BNC2: variants seen among roughly 807,000 people sequenced by gnomAD.
The protein encoded by BNC2 is zinc finger protein basonuclin-2.
Under a neutral mutation model 76.3 loss-of-function variants are expected in BNC2, and 20 were observed. The ratio of observed to expected loss-of-function variants is 0.26; its 90% confidence interval spans 0.18 to 0.38. The LOEUF (loss-of-function observed/expected upper bound fraction) is 0.38. Ranked by LOEUF, BNC2 falls within the 10% of genes least tolerant of loss-of-function variation. The pLI is 1.00. For synonymous variants in BNC2, 582 were observed against 514.8 expected, an observed-to-expected ratio of 1.13 and a Z score of -1.77; for missense variants, 1,382 against 1,399.8, an observed-to-expected ratio of 0.99 and a Z score of 0.20.
At chr9:16,744,376 C>A (rs931903610) in intron 1 of BNC2, among the ~76,000 whole-genome samples, 11 of 152,140 alleles carry the variant, frequency 7.2e-5, no homozygotes, top group Non-Finnish European at 2.9e-5. Flanking sequence ...CTCAAAAAGA[C>A]CTCCCAAATC....
intron 3 of BNC2, among the ~76,000 whole-genome samples, chr9:16,706,892 A>G (rs991640883): frequency 1.3e-5 from 2 of 152,242 alleles, no homozygotes; most frequent in Admixed American, 6.5e-5. Flanking sequence ...TCAAATTGTC[A>G]GTTTAATCTA....
At chr9:16,542,934 T>C (rs1020547423) in intron 5 of BNC2, among the ~76,000 whole-genome samples, 1 of 152,038 alleles carries the variant, frequency 6.6e-6, no homozygotes, top group Admixed American at 6.5e-5. Flanking sequence ...AAGAAACAGA[T>C]AGTAGACTAA....
At chr9:16,463,284 G>A (rs1159130856) in intron 5 of BNC2, among the ~76,000 whole-genome samples, 1 of 143,678 alleles carries the variant, frequency 7.0e-6, no homozygotes, top group African/African-American at 2.6e-5. Flanking sequence ...GAGCATACAA[G>A]TATTAAATTC....
chr9:16,820,374 C>T (rs1042543834), intron 1 of BNC2, among the ~76,000 whole-genome samples: 1 of 151,616 alleles, frequency 6.6e-6, no homozygotes, highest in African/African-American at 2.4e-5. Context: ...TGCAGTGAGC[C>T]GAGATCGCAC....
At chr9:16,681,909 C>A (rs1822832484) in intron 3 of BNC2, among the ~76,000 whole-genome samples, 1 of 151,942 alleles carries the variant, frequency 6.6e-6, no homozygotes, top group South Asian at 2.1e-4. Flanking sequence ...CAGATCTTAA[C>A]CTGAAAGAGG....
At chr9:16,426,967 G>A (rs545756854) in intron 6 of BNC2, among the ~76,000 whole-genome samples, 150 of 152,298 alleles carry the variant, frequency 9.8e-4, no homozygotes, top group Non-Finnish European at 1.7e-3. Context: ...AAATGAGAGA[G>A]CAAAGTGATC....
rs1382125077 is a variant in BNC2 at position 16,412,414 on chromosome 9, C to T, written c.*6575G>A. The T allele has an allele frequency of 6.6e-6, 1 of 152,428 alleles. No homozygotes were observed. Among genetic ancestry groups the T allele is most frequent in the East Asian group, 1.9e-4 (1 of 5,190 alleles). 9.4% of individuals were successfully genotyped at this position (152,428 alleles called of 1,614,324 possible). A position where few individuals can be genotyped will look rare whatever the true frequency, so the allele number is the denominator to read the frequency against. On this transcript the variant is annotated 3_prime_UTR_variant, in exon 7 of 7. Transcript: ENST00000380672. ...GAAAAATATTTTAATCTTTTCCCTA[C>T]AGATTAGGGGGCAATATAATCTTAC...
rs1263701379 is a variant in BNC2 at position 16,751,678 on chromosome 9, A to ATATG, written c.4-13194_4-13193insCATA. Among the ~76,000 whole-genome samples, 23 of 59,028 alleles carry ATATG rather than the reference A, an allele frequency of 3.9e-4. 1 individual carries two copies. Among genetic ancestry groups the ATATG allele is most frequent in the South Asian group, 4.7e-4 (1 of 2,122 alleles). 38.7% of individuals were successfully genotyped at this position (59,028 alleles called of 152,430 possible). On this transcript the variant is annotated intron_variant, in intron 1 of 6. Coordinates refer to ENST00000380672, the MANE Select transcript of BNC2 (RefSeq NM_017637.6). ...TATATATATGTATGTATGTGTATAT[A>ATATG]TATATGTATGTGTGTATATATATAT...
rs1423923878 is a variant in BNC2, at chr9:16,409,531, A to AT, written c.*9457_*9458insA. ...GTGACTGATAAATCTTTAATATAAA[A>AT]ATTGTACAAGAATTTTGATACAAAT... On this transcript the variant is annotated 3_prime_UTR_variant, in exon 7 of 7. Transcript: ENST00000380672. The AT allele has an allele frequency of 6.6e-6, 1 of 152,658 alleles. No homozygotes were observed. Among genetic ancestry groups the AT allele is most frequent in the Non-Finnish European group, 1.5e-5 (1 of 68,048 alleles). The allele number at this position is 152,658 out of a possible 1,614,324, so 9.5% of individuals were successfully genotyped here.
chr9:16,436,983 G>C lies in BNC2; in HGVS notation c.1211C>G (p.Pro404Arg), dbSNP rs766749166. 5 of 1,614,144 alleles carry C rather than the reference G, an allele frequency of 3.1e-6. No individual in the cohort carries two copies. The South Asian group carries it at 4.4e-5, about 14-fold the overall frequency. The stretch of plus-strand genomic sequence containing the variant: ...ACTGACTGGGGCAGAATTCTGAATG[G>C]GAGAGACACAGGCTGGCTCGGTTTT... Reference protein sequence around the residue: ...EPKTEPACVSPIQNSAPVSDL... With the variant: ...EPKTEPACVSRIQNSAPVSDL... Residue 404 changes from proline (P) to arginine (R), a missense_variant, in exon 6 of 7, where the codon CCC becomes CGC. Pro to Arg is a moderately radical substitution (Grantham distance 103). Transcript: ENST00000380672.
intron 1 of BNC2, among the ~76,000 whole-genome samples, chr9:16,834,770 T>C (rs1818663946): frequency 6.6e-6 from 1 of 152,196 alleles, no homozygotes; most frequent in African/African-American, 2.4e-5. Context: ...CTATATATAG[T>C]AAGCACTCAA....
chr9:16,439,083 C>T (rs1230555147), intron 5 of BNC2, among the ~76,000 whole-genome samples: 1 of 152,172 alleles, frequency 6.6e-6, no homozygotes, highest in Admixed American at 6.5e-5. Flanking sequence ...CCTGCGCATG[C>T]TCTTGCCTGC....
chr9:16,719,618 GCTATGT>G (rs959800291), intron 3 of BNC2, among the ~76,000 whole-genome samples: 1 of 152,162 alleles, frequency 6.6e-6, no homozygotes, highest in African/African-American at 2.4e-5. Flanking sequence ...AATATTGAAA[GCTATGT>G]CTTTCCCATA....
chr9:16,786,921 T>G (rs555886904), intron 1 of BNC2, among the ~76,000 whole-genome samples: 7 of 152,212 alleles, frequency 4.6e-5, no homozygotes, highest in Admixed American at 1.3e-4. Flanking sequence ...TCCTACTTCT[T>G]AGTGGGAAGG....
intron 3 of BNC2, among the ~76,000 whole-genome samples, chr9:16,603,678 T>C (rs149477355): frequency 0.018 from 2,786 of 152,330 alleles, 42 homozygotes; most frequent in Non-Finnish European, 0.025. Context: ...GCAAGTGCCA[T>C]GAAATCTGGC....
At chr9:16,786,889 T>G in intron 1 of BNC2, among the ~76,000 whole-genome samples, 1 of 152,092 alleles carries the variant, frequency 6.6e-6, no homozygotes, top group East Asian at 1.9e-4. Context: ...CAAACCCACG[T>G]GGTTGGGCAG....
chr9:16,453,599 G>A (rs982807252), intron 5 of BNC2, among the ~76,000 whole-genome samples: 5 of 152,098 alleles, frequency 3.3e-5, no homozygotes, highest in Non-Finnish European at 7.4e-5. Flanking sequence ...ACATTCTGGT[G>A]TCAAGGTGCT....
chr9:16,504,528 A>G (rs751745174), intron 5 of BNC2, among the ~76,000 whole-genome samples: 3 of 152,180 alleles, frequency 2.0e-5, no homozygotes, highest in Non-Finnish European at 4.4e-5. Flanking sequence ...AATAAAGTAG[A>G]CCCTGAAAGC....
chr9:16,556,846 T>G (rs1445373315), intron 4 of BNC2, among the ~76,000 whole-genome samples: 1 of 152,136 alleles, frequency 6.6e-6, no homozygotes, highest in Non-Finnish European at 1.5e-5. Flanking sequence ...CTGTCAAATT[T>G]CTTGAATATA....
Sources: allele counts gnomAD v4.1 joint callset (sites outside exome capture counted in the v4.1 genomes callset), GRCh38; gene constraint gnomAD v4.1.1; transcripts MANE v1.5; gene names NCBI Gene and HGNC (gene_info 2026-07-23, HGNC 2026-07-21).